Variants in SLC16A6 observed in about 807,000 individuals in gnomAD.
The protein encoded by SLC16A6 is monocarboxylate transporter 7.
SLC16A6 carries 15 observed loss-of-function variants against 33.8 expected under a neutral mutation model. That is an observed-to-expected ratio of 0.44 (90% CI 0.30 to 0.68). SLC16A6 has a LOEUF of 0.68. Ranked by LOEUF, SLC16A6 falls within the 30% of genes least tolerant of loss-of-function variation. The pLI is 0.10. For synonymous variants in SLC16A6, 219 were observed against 248.4 expected (o/e 0.88, Z 1.11); for missense variants, 451 against 661.5 (o/e 0.68, Z 3.49).
rs782684229 is a variant in SLC16A6, at chr17:68,271,609, A to T, written c.551T>A (p.Leu184His). The change falls in exon 5 of 6, where the codon CTC becomes CAC. Residue 184 changes from leucine to histidine, a missense_variant. Physicochemically the swap from Leu to His is moderately conservative, Grantham distance 99. Coordinates refer to ENST00000580666, the MANE Select transcript of SLC16A6 (RefSeq NM_004694.5). This position sits in a 1 kb window ranked among gnomAD's most constrained non-coding sequence, Gnocchi z 5.3. The stretch of plus-strand genomic sequence containing the variant: ...GTTTAACTGTAGTAGGCCCACGAAG[A>T]GGAGGCTGTATCTCCAGCCAATGCG... ...KERIGWRYSL[L>H]FVGLLQLNIV... 2.5e-6 allele frequency: 4 copies of T among 1,613,990 alleles called. No homozygotes were observed. The highest frequency in any genetic ancestry group is 3.4e-6 in the Non-Finnish European group (4 of 1,179,838).
chr17:68,288,012 T>G (rs1303014165), intron 1 of SLC16A6, among the ~76,000 whole-genome samples: 1 of 145,268 alleles, frequency 6.9e-6, no homozygotes, highest in African/African-American at 2.5e-5. Flanking sequence ...TTTTTGGGGG[T>G]TGGGGATGGA....
chr17:68,273,796 T>C (rs1291000094), intron 3 of SLC16A6, 131 bp downstream of exon 3: 18 of 1,121,128 alleles, frequency 1.6e-5, no homozygotes, highest in Non-Finnish European at 2.3e-5. Context: ...ACTACTGATC[T>C]GAGACACTGT....
intron 3 of SLC16A6, 55 bp downstream of exon 3, chr17:68,273,872 C>G: frequency 6.3e-7 from 1 of 1,581,514 alleles, no homozygotes; most frequent in Admixed American, 1.8e-5. Context: ...CTTCCCCTTC[C>G]TTGTTCTTCA....
chr17:68,272,881 A>G, intron 3 of SLC16A6, 114 bp from the exon 4 acceptor site: 1 of 1,282,770 alleles, frequency 7.8e-7, no homozygotes, highest in Admixed American at 2.1e-5. Flanking sequence ...AAGTTCTAGG[A>G]GCCAAGTAAT....
intron 1 of SLC16A6, among the ~76,000 whole-genome samples, chr17:68,287,491 C>T (rs1213847519): frequency 6.6e-6 from 1 of 152,148 alleles, no homozygotes; most frequent in Non-Finnish European, 1.5e-5. Context: ...TATTTCCTTT[C>T]TGAGCCACTG....
chr17:68,276,483 C>G (rs200224920), intron 2 of SLC16A6, among the ~76,000 whole-genome samples: 3 of 152,196 alleles, frequency 2.0e-5, no homozygotes, highest in East Asian at 1.9e-4. Context: ...GGGTCTTGCT[C>G]TGTTGCCCAG....
rs1819775133 is a variant in SLC16A6 at position 68,268,414 on chromosome 17, A to T, written c.*682T>A. The T allele has an allele frequency of 1.5e-5, 2 of 135,042 alleles. No individual in the cohort carries two copies. Among genetic ancestry groups the T allele is most frequent in the Admixed American group, 1.7e-4 (2 of 11,980 alleles). 8.4% of individuals were successfully genotyped at this position (135,042 alleles called of 1,614,324 possible). On this transcript the variant is annotated 3_prime_UTR_variant, in exon 6 of 6. Coordinates refer to ENST00000580666, the MANE Select transcript of SLC16A6 (RefSeq NM_004694.5). ...AAAAGAAGTGGTAATCTTCACATTT[A>T]TGAAGTTCAAGTTATATATATATAT...
chr17:68,269,413 A>G (rs1368924172), intron 5 of SLC16A6, 67 bp from the exon 6 acceptor site: 4 of 1,230,108 alleles, frequency 3.3e-6, no homozygotes, highest in Middle Eastern at 2.3e-4. Flanking sequence ...CCAGGCGACC[A>G]TCCCATTCAG....
chr17:68,288,242 C>T (rs540328063), intron 1 of SLC16A6, among the ~76,000 whole-genome samples: 14 of 152,120 alleles, frequency 9.2e-5, no homozygotes, highest in East Asian at 1.9e-4. Context: ...CCTTGTGATC[C>T]GCCCGCCTCA....
In SLC16A6 at chr17:68,269,014, C is replaced by T; in HGVS notation, c.*82G>A. 1.3e-6 allele frequency: 2 copies of T among 1,579,646 alleles called. No homozygotes were observed. Among genetic ancestry groups the T allele is most frequent in the Non-Finnish European group, 1.7e-6 (2 of 1,163,832 alleles). Reference sequence around the variant, plus strand: ...TTTGAAAGTGGAGTAGAGGGGTTAGCTCCTCTGCCTCCTTGTGTCCCCGTT... The same window carrying T: ...TTTGAAAGTGGAGTAGAGGGGTTAGTTCCTCTGCCTCCTTGTGTCCCCGTT... On this transcript the variant is annotated 3_prime_UTR_variant, in exon 6 of 6. Coordinates refer to ENST00000580666, the MANE Select transcript of SLC16A6 (RefSeq NM_004694.5).
At chr17:68,289,443 G>A (rs1178491936) in intron 1 of SLC16A6, among the ~76,000 whole-genome samples, 1 of 152,184 alleles carries the variant, frequency 6.6e-6, no homozygotes, top group African/African-American at 2.4e-5. Context: ...TTATTCCAGG[G>A]TCAGCTAAGA....
Position 68,274,011 on chromosome 17 carries a change from C to G in SLC16A6, c.292G>C (p.Gly98Arg). ...FGHRLVVMLG[G>R]LLVSTGMVAA... is the part of the protein sequence containing the mutation. ...ACCATCCCGGTGCTGACAAGTAGCC[C>G]CCCCAACATCACTACCAGACGGTGT... The change falls in exon 3 of 6, where the codon GGG (glycine) becomes CGG (arginine). Residue 98 changes from glycine (G) to arginine (R), a missense_variant. By Grantham distance (125) the Gly-to-Arg change is moderately radical. Around this residue, in one of 2 missense-constraint regions of SLC16A6, gnomAD observed 405 missense variants for 510.7 expected, o/e 0.79. Transcript: ENST00000580666. The G allele has an allele frequency of 6.2e-7, 1 of 1,614,086 alleles. No individual in the cohort carries two copies. Among genetic ancestry groups the G allele is most frequent in the Non-Finnish European group, 8.5e-7 (1 of 1,180,014 alleles).
chr17:68,267,424 T>C lies in SLC16A6; in HGVS notation c.*1672A>G, dbSNP rs2075191413. 6.6e-6 allele frequency: 1 copy of C among 152,216 alleles called. No homozygotes were observed. The highest frequency in any genetic ancestry group is 2.1e-4 in the South Asian group (1 of 4,836). The allele number at this position is 152,216 out of a possible 1,614,324, so 9.4% of individuals were successfully genotyped here. ...CTCCCCCACCCTCCCCAAAGTTTTA[T>C]AGATTGTCCTATTTCTATGGCTGAT... On this transcript the variant is annotated 3_prime_UTR_variant, in exon 6 of 6. Coordinates refer to ENST00000580666, the MANE Select transcript of SLC16A6 (RefSeq NM_004694.5).
intron 2 of SLC16A6, among the ~76,000 whole-genome samples, chr17:68,277,420 G>A (rs908162281): frequency 9.9e-5 from 15 of 151,254 alleles, no homozygotes; most frequent in Admixed American, 2.6e-4. Context: ...GTGAGCCACC[G>A]CGCCCGGCCG....
At chr17:68,272,845 A>G in intron 3 of SLC16A6, 78 bp from the exon 4 acceptor site, 1 of 1,574,302 alleles carries the variant, frequency 6.4e-7, no homozygotes, top group Non-Finnish European at 8.6e-7. Flanking sequence ...AAGATCTGGG[A>G]TTTTTGGTTT....
intron 5 of SLC16A6, among the ~76,000 whole-genome samples, chr17:68,269,557 T>C (rs2075263913): frequency 6.8e-6 from 1 of 146,292 alleles, no homozygotes; most frequent in African/African-American, 2.6e-5. Flanking sequence ...CTTCTTGGGC[T>C]AAGCCTGTCC....
In SLC16A6 at chr17:68,289,750, C is replaced by T. The variant is rs187552991; in HGVS notation, c.-8+1336G>A. Among the ~76,000 whole-genome samples the T allele has an allele frequency of 1.7e-4, 26 of 152,310 alleles. No individual in the cohort carries two copies. In the East Asian group the frequency reaches 5.0e-3, roughly 29 times the overall value. On this transcript the variant is annotated intron_variant, in intron 1 of 5. Transcript: ENST00000580666. The stretch of plus-strand genomic sequence containing the variant: ...GACTATGGTGTTGAAACCTGAGCCC[C>T]TAATTTAAGTGTCCTCCTCAGGAGT...
intron 3 of SLC16A6, among the ~76,000 whole-genome samples, chr17:68,273,084 T>C (rs2075394670): frequency 6.6e-6 from 1 of 152,186 alleles, no homozygotes; most frequent in African/African-American, 2.4e-5. Flanking sequence ...GATTTGTATC[T>C]AGAAAGAAAT....
At chr17:68,275,149 G>A (rs1233096293) in intron 2 of SLC16A6, among the ~76,000 whole-genome samples, 1 of 152,180 alleles carries the variant, frequency 6.6e-6, no homozygotes, top group Non-Finnish European at 1.5e-5. Flanking sequence ...GAGTTGCTAT[G>A]GGATAGATAA....
Sources: allele counts gnomAD v4.1 joint callset (sites outside exome capture counted in the v4.1 genomes callset), GRCh38; gene constraint gnomAD v4.1.1; regional missense constraint gnomAD v4.1.1; non-coding constraint Gnocchi (gnomAD v3.1); transcripts MANE v1.5; gene names NCBI Gene and HGNC (gene_info 2026-07-23, HGNC 2026-07-21).